FKBP6: variants seen among roughly 807,000 people sequenced by gnomAD.
FKBP6 encodes the protein FKBP prolyl isomerase family member 6 (inactive).
FKBP6 carries 29 observed loss-of-function variants against 41.7 expected under a neutral mutation model. The ratio of observed to expected loss-of-function variants is 0.70; its 90% CI spans 0.52 to 0.95. The LOEUF (loss-of-function observed/expected upper bound fraction) is 0.95, where lower values mean the gene tolerates loss of function less well. Among genes scored for constraint, FKBP6 ranks in the 40% least tolerant of loss-of-function variants. The pLI is 0.00. For synonymous variants in FKBP6, 130 were observed against 165.1 expected (o/e 0.79, Z 1.63); for missense variants, 338 against 408.7 (o/e 0.83, Z 1.49).
At chr7:73,342,988 A>G in intron 8 of FKBP6, 89 bp downstream of exon 8, 1 of 913,252 alleles carries the variant, frequency 1.1e-6, no homozygotes, top group Non-Finnish European at 1.8e-6. Context: ...GGCTGTCTGC[A>G]GCTGAGGGTG....
At chr7:73,346,374 G>A (rs1554550265) in intron 8 of FKBP6, among the ~76,000 whole-genome samples, 1 of 152,158 alleles carries the variant, frequency 6.6e-6, no homozygotes, top group East Asian at 1.9e-4. Flanking sequence ...AGGGATTGGG[G>A]GTCTAAACAG....
intron 3 of FKBP6, 154 bp downstream of exon 3, chr7:73,329,603 G>A (rs1414611734): frequency 1.4e-6 from 1 of 696,060 alleles, no homozygotes; most frequent in Non-Finnish European, 2.6e-6. Context: ...CTCTCCCCTT[G>A]AGACCTAGGC....
intron 4 of FKBP6, among the ~76,000 whole-genome samples, chr7:73,330,750 G>A (rs1804815323): frequency 1.3e-5 from 2 of 152,172 alleles, no homozygotes; most frequent in Non-Finnish European, 2.9e-5. Context: ...AGAGTAAAAG[G>A]GGCTGTTCAC....
chr7:73,353,214 A>C (rs2115975930), intron 8 of FKBP6, among the ~76,000 whole-genome samples: 1 of 151,986 alleles, frequency 6.6e-6, no homozygotes, highest in African/African-American at 2.4e-5. Flanking sequence ...CGAGGATCTG[A>C]TTACATTGGG....
chr7:73,341,048 C>T (rs1805166572), intron 6 of FKBP6, among the ~76,000 whole-genome samples: 1 of 151,174 alleles, frequency 6.6e-6, no homozygotes, highest in Non-Finnish European at 1.5e-5. Context: ...CTCAGCCTCT[C>T]AAGTAGCTGG....
intron 8 of FKBP6, among the ~76,000 whole-genome samples, chr7:73,345,638 T>C (rs1387961536): frequency 3.3e-5 from 5 of 152,216 alleles, no homozygotes; most frequent in African/African-American, 1.2e-4. Context: ...GGGAGCTCTA[T>C]AGCTATTTTC....
At chr7:73,331,886 A>G (rs1804856224) in intron 5 of FKBP6, 110 bp downstream of exon 5, 2 of 1,178,912 alleles carry the variant, frequency 1.7e-6, no homozygotes, top group African/African-American at 3.0e-5. Flanking sequence ...TTTTTGAGAC[A>G]AGAGTGTCGC....
At chr7:73,351,612 T>C (rs1805492571) in intron 8 of FKBP6, among the ~76,000 whole-genome samples, 1 of 152,172 alleles carries the variant, frequency 6.6e-6, no homozygotes, top group African/African-American at 2.4e-5. Flanking sequence ...TGCCTTTTCA[T>C]CATACCCCTT....
In FKBP6 at chr7:73,340,815, CT is replaced by C; in HGVS notation, c.767del (p.Leu256ProfsTer11). On this transcript the variant is annotated frameshift_variant, in exon 6 of 9. Transcript: ENST00000252037. LOFTEE classifies it high-confidence loss of function. ...CATTGACCAAAAGAATGCCAAGGCCCTCTTCAGGTGTGGACAGGTGAGTTGG... is the reference window on the plus strand; with the variant it reads ...CATTGACCAAAAGAATGCCAAGGCCCCTTCAGGTGTGGACAGGTGAGTTGG... ...LIIDQKNAKALFRCGQACLLL... is the reference protein window; with the variant it reads ...LIIDQKNAKAXFRCGQACLLL... The C allele has an allele frequency of 6.2e-7, 1 of 1,613,972 alleles. No individual in the cohort carries two copies. The highest frequency in any genetic ancestry group is 8.5e-7 in the Non-Finnish European group (1 of 1,179,954).
intron 8 of FKBP6, among the ~76,000 whole-genome samples, chr7:73,347,238 A>G (rs1398062918): frequency 6.6e-6 from 1 of 152,174 alleles, no homozygotes; most frequent in East Asian, 1.9e-4. Flanking sequence ...TTTAAATGCC[A>G]GGTATTCTTC....
chr7:73,351,755 C>T (rs1406475355), intron 8 of FKBP6, among the ~76,000 whole-genome samples: 4 of 152,126 alleles, frequency 2.6e-5, no homozygotes, highest in Admixed American at 1.3e-4. Flanking sequence ...GTGTTCTTTG[C>T]GGATGAGGTA....
chr7:73,354,496 C>T (rs528919076), intron 8 of FKBP6, among the ~76,000 whole-genome samples: 12 of 152,284 alleles, frequency 7.9e-5, no homozygotes, highest in African/African-American at 2.6e-4. Flanking sequence ...CCCAGCAGGC[C>T]GGAGGACTGC....
chr7:73,330,407 T>G, intron 4 of FKBP6, 55 bp downstream of exon 4: 1 of 1,355,388 alleles, frequency 7.4e-7, no homozygotes, highest in Middle Eastern at 1.8e-4. Flanking sequence ...TGGGTTGGTG[T>G]TATTGGTAAT....
chr7:73,341,204 A>G (rs911201971), intron 6 of FKBP6, 69 bp from the exon 7 acceptor site: 266 of 1,095,560 alleles, frequency 2.4e-4, no homozygotes, highest in Non-Finnish European at 3.5e-4. Flanking sequence ...GATTACAGGC[A>G]TGAGCCACCG....
At chr7:73,349,591 G>T (rs28669896) in intron 8 of FKBP6, among the ~76,000 whole-genome samples, 10,654 of 148,424 alleles carry the variant, frequency 0.072, 504 homozygotes, top group African/African-American at 0.12. Context: ...GCGCACATCT[G>T]TAGTCCCAGC....
rs782317159 is a variant in FKBP6, at chr7:73,329,341, ATTCT to A, written c.176-13_176-10del. ...GGTGTTTTTGGTCCATTTTCCTTAC[ATTCT>A]TTCTTCTATCCTAGTGAAATACTCG... On this transcript the variant is annotated splice_polypyrimidine_tract_variant and intron_variant, in intron 2 of 8. Transcript: ENST00000252037. 1.1e-5 allele frequency: 16 copies of A among 1,477,880 alleles called. No individual in the cohort carries two copies. The Middle Eastern group carries it at 5.2e-4, about 48-fold the overall frequency. The allele number at this position is 1,477,880 out of a possible 1,614,324, so 91.5% of individuals were successfully genotyped here. A position where few individuals can be genotyped will look rare whatever the true frequency, so the allele number is the denominator to read the frequency against.
chr7:73,330,353 G>A lies in FKBP6; in HGVS notation c.468+1G>A. 6.2e-7 allele frequency: 1 copy of A among 1,609,050 alleles called. No individual in the cohort carries two copies. Among genetic ancestry groups the A allele is most frequent in the Non-Finnish European group, 8.5e-7 (1 of 1,175,362 alleles). On this transcript the variant is annotated splice_donor_variant, in intron 4 of 8. Coordinates refer to ENST00000252037, the MANE Select transcript of FKBP6 (RefSeq NM_003602.5). LOFTEE classifies it high-confidence loss of function. ...AGACAAGTTTTGTGCTCTCTCAGCT[G>A]TAAGTTCCAGAGCACAGATGTCAGC...
chr7:73,341,780 C>T (rs1210428855), intron 7 of FKBP6, among the ~76,000 whole-genome samples: 2 of 151,448 alleles, frequency 1.3e-5, no homozygotes, highest in East Asian at 2.0e-4. Flanking sequence ...TCTCCTGTCT[C>T]AGCCTCCAAG....
intron 8 of FKBP6, among the ~76,000 whole-genome samples, chr7:73,343,312 C>T (rs191651924): frequency 5.3e-5 from 8 of 152,212 alleles, no homozygotes; most frequent in African/African-American, 1.4e-4. Context: ...TGAGCCGTGG[C>T]GCTCAGCCTA....
Sources: allele counts gnomAD v4.1 joint callset (sites outside exome capture counted in the v4.1 genomes callset), GRCh38; gene constraint gnomAD v4.1.1; transcripts MANE v1.5; gene names NCBI Gene and HGNC (gene_info 2026-07-23, HGNC 2026-07-21).